TMEM117: variants seen among roughly 807,000 people sequenced by gnomAD.
The protein encoded by TMEM117 is transmembrane protein 117.
A neutral mutation model predicts 52.4 loss-of-function variants in TMEM117; 27 were observed. That is an observed-to-expected ratio of 0.51 (90% confidence interval 0.38 to 0.71). The LOEUF (loss-of-function observed/expected upper bound fraction) is 0.71. Among genes scored for constraint, TMEM117 ranks in the 30% least tolerant of loss-of-function variants. The probability of loss-of-function intolerance (pLI) is 0.00; values close to 1 mark genes in which losing one functional copy is unlikely to be tolerated. For missense variants in TMEM117, 556 were observed against 630.5 expected (o/e 0.88, Z 1.26); for synonymous variants, 215 against 206.3 (o/e 1.04, Z -0.36).
intron 5 of TMEM117, among the ~76,000 whole-genome samples, chr12:44,227,697 T>G (rs1256923004): frequency 6.6e-6 from 1 of 152,158 alleles, no homozygotes; most frequent in African/African-American, 2.4e-5. Context: ...AAGGTCCTTT[T>G]TGAGCATTGT....
At chr12:44,114,207 C>G (rs1023504235) in intron 3 of TMEM117, among the ~76,000 whole-genome samples, 1 of 152,154 alleles carries the variant, frequency 6.6e-6, no homozygotes, top group South Asian at 2.1e-4. Flanking sequence ...CGGAGCTGTT[C>G]CTATTCGGCC....
the TMEM117 span, chr12:43,797,216 T>G: frequency 6.7e-7 from 1 of 1,483,212 alleles, no homozygotes; most frequent in Non-Finnish European, 9.1e-7. Flanking sequence ...AGCTAAGCCC[T>G]CTGGGCAAGA....
At chr12:43,962,663 G>A (rs900587120) in intron 3 of TMEM117, among the ~76,000 whole-genome samples, 3 of 152,172 alleles carry the variant, frequency 2.0e-5, no homozygotes, top group African/African-American at 4.8e-5. Context: ...GCTCACACCT[G>A]TAAACCCAGC....
At chr12:43,989,445 T>A (rs1945902093) in intron 3 of TMEM117, among the ~76,000 whole-genome samples, 1 of 151,780 alleles carries the variant, frequency 6.6e-6, no homozygotes, top group South Asian at 2.1e-4. Flanking sequence ...ACTGCTACAT[T>A]TTTTTTTAAA....
chr12:44,386,135 G>A (rs1952084825), intron 7 of TMEM117, among the ~76,000 whole-genome samples: 1 of 151,956 alleles, frequency 6.6e-6, no homozygotes, highest in Non-Finnish European at 1.5e-5. Flanking sequence ...TCACTCATTT[G>A]GCACCTCCAG....
intron 3 of TMEM117, among the ~76,000 whole-genome samples, chr12:44,105,198 A>T (rs185281595): frequency 1.2e-3 from 176 of 151,660 alleles, no homozygotes; most frequent in Admixed American, 3.2e-3. Context: ...CAATATGGTA[A>T]GTTTCTATTG....
intron 2 of TMEM117, among the ~76,000 whole-genome samples, chr12:43,903,627 G>A (rs536350187): frequency 2.0e-4 from 31 of 152,240 alleles, no homozygotes; most frequent in African/African-American, 7.2e-4. Flanking sequence ...TAAGATGTGG[G>A]TTTAGGGGAA....
At chr12:44,101,691 AC>A (rs1947863856) in intron 3 of TMEM117, among the ~76,000 whole-genome samples, 1 of 151,714 alleles carries the variant, frequency 6.6e-6, no homozygotes, top group Non-Finnish European at 1.5e-5. Context: ...TGGCATGCAA[AC>A]CCCCTCAGAG....
At chr12:44,083,090 C>A (rs905308207) in intron 3 of TMEM117, among the ~76,000 whole-genome samples, 3 of 151,940 alleles carry the variant, frequency 2.0e-5, no homozygotes, top group Non-Finnish European at 2.9e-5. Flanking sequence ...GATATTTGGA[C>A]CATTTCCAGT....
chr12:44,029,537 G>T (rs1261997285), intron 3 of TMEM117, among the ~76,000 whole-genome samples: 1 of 152,140 alleles, frequency 6.6e-6, no homozygotes, highest in East Asian at 1.9e-4. Flanking sequence ...TTTCAGTGTT[G>T]GCTGCAATGG....
chr12:44,346,793 A>C (rs995953009), intron 6 of TMEM117, among the ~76,000 whole-genome samples: 4 of 152,100 alleles, frequency 2.6e-5, no homozygotes, highest in South Asian at 2.1e-4. Context: ...TTTCCAGCAC[A>C]AGGGAAAAGA....
intron 3 of TMEM117, among the ~76,000 whole-genome samples, chr12:44,050,202 A>G (rs1040220194): frequency 3.9e-5 from 6 of 152,200 alleles, no homozygotes; most frequent in Non-Finnish European, 5.9e-5. Context: ...TTTGAGACGG[A>G]GTCTCATTCT....
intron 3 of TMEM117, among the ~76,000 whole-genome samples, chr12:44,034,747 T>G (rs1186245875): frequency 6.6e-6 from 1 of 152,212 alleles, no homozygotes; most frequent in Non-Finnish European, 1.5e-5. Flanking sequence ...CCTTTTAACA[T>G]TGTGACAGTT....
chr12:43,992,147 T>C (rs1012561124), intron 3 of TMEM117, among the ~76,000 whole-genome samples: 1 of 151,904 alleles, frequency 6.6e-6, no homozygotes, highest in East Asian at 1.9e-4. Context: ...CACTCCAGTC[T>C]GGGTGAATGA....
chr12:44,311,877 G>GTATATATGTA (rs1565701927), intron 6 of TMEM117, among the ~76,000 whole-genome samples: 3 of 112,816 alleles, frequency 2.7e-5, no homozygotes, highest in African/African-American at 4.4e-5. Flanking sequence ...GTATATATAT[G>GTATATATGTA]TATATATGTA....
At chr12:44,212,864 CTA>C (rs1287620839) in intron 5 of TMEM117, among the ~76,000 whole-genome samples, 1 of 151,914 alleles carries the variant, frequency 6.6e-6, no homozygotes, top group African/African-American at 2.4e-5. Flanking sequence ...AATATACACT[CTA>C]TGTTATCTTT....
chr12:44,078,480 A>G (rs1375344241), intron 3 of TMEM117, among the ~76,000 whole-genome samples: 1 of 152,208 alleles, frequency 6.6e-6, no homozygotes, highest in African/African-American at 2.4e-5. Context: ...TTGGTGAGTC[A>G]TTTACAGCCA....
At chr12:44,179,037 T>C (rs911010742) in intron 4 of TMEM117, among the ~76,000 whole-genome samples, 3 of 151,848 alleles carry the variant, frequency 2.0e-5, no homozygotes, top group Non-Finnish European at 4.4e-5. Flanking sequence ...TTACTAAAAG[T>C]ACAAAAATTA....
chr12:44,163,907 A>G (rs930861202), intron 4 of TMEM117, among the ~76,000 whole-genome samples: 1 of 152,156 alleles, frequency 6.6e-6, no homozygotes, highest in Non-Finnish European at 1.5e-5. Context: ...GGATTTTCCC[A>G]AAGTATTTTC....
Sources: allele counts gnomAD v4.1 joint callset (sites outside exome capture counted in the v4.1 genomes callset), GRCh38; gene constraint gnomAD v4.1.1; transcripts MANE v1.5; gene names NCBI Gene and HGNC (gene_info 2026-07-23, HGNC 2026-07-21).